The following STPG2 variants were observed in gnomAD, a reference collection of about 807,000 sequenced individuals.
STPG2 encodes sperm tail PG-rich repeat containing 2, also known as sperm-tail PG-rich repeat-containing protein 2.
STPG2 carries 56 observed loss-of-function variants against 54.2 expected under a neutral mutation model. The ratio of observed to expected loss-of-function variants is 1.03; its 90% CI spans 0.83 to 1.29. STPG2 has a LOEUF of 1.29. Among genes scored for constraint, STPG2 ranks in the 50% most tolerant of loss-of-function variants. STPG2 has a pLI of 0.00. For missense variants in STPG2, 596 were observed against 544.9 expected, an observed-to-expected ratio of 1.09 and a Z score of -0.93; for synonymous variants, 200 against 181.8, an observed-to-expected ratio of 1.10 and a Z score of -0.81.
chr4:98,105,113 A>C (rs783916), intron 5 of STPG2, among the ~76,000 whole-genome samples: 76,224 of 152,046 alleles, frequency 0.5, 19,209 homozygotes, highest in Admixed American at 0.58. Context: ...TTGTTTCTGT[A>C]TCTCACTTTC....
chr4:98,087,918 C>T (rs946374267), intron 5 of STPG2, among the ~76,000 whole-genome samples: 8 of 152,126 alleles, frequency 5.3e-5, no homozygotes, highest in Admixed American at 4.6e-4. Context: ...AGCCCTAATC[C>T]CTGACTCCAA....
intron 5 of STPG2, among the ~76,000 whole-genome samples, chr4:98,057,438 C>T (rs1737516420): frequency 6.6e-6 from 1 of 151,754 alleles, no homozygotes; most frequent in Non-Finnish European, 1.5e-5. Context: ...GGAAAATAGA[C>T]CAAGTGAAGG....
rs182747334 is a variant in STPG2, at chr4:97,635,575, T to A, written c.1321-76458A>T. ...TGGATAAAGAGTCAAGACCCATCAGTGTGCTGTATTCAGGAAACCCGTCTC... is the reference window on the plus strand; with the variant it reads ...TGGATAAAGAGTCAAGACCCATCAGAGTGCTGTATTCAGGAAACCCGTCTC... On this transcript the variant is annotated intron_variant, in intron 10 of 10. Transcript: ENST00000295268. Among the ~76,000 whole-genome samples, 39 of 152,294 alleles carry A rather than the reference T, an allele frequency of 2.6e-4. 1 individual carries two copies. The East Asian group carries it at 7.3e-3, about 29-fold the overall frequency.
At chr4:97,868,872 G>T (rs561299966) in intron 8 of STPG2, among the ~76,000 whole-genome samples, 61 of 151,852 alleles carry the variant, frequency 4.0e-4, no homozygotes, top group African/African-American at 1.4e-3. Context: ...CTTTTAAAAG[G>T]TCATCCTTAC....
chr4:97,742,006 C>A (rs898491879), intron 9 of STPG2, among the ~76,000 whole-genome samples: 57 of 151,996 alleles, frequency 3.8e-4, no homozygotes, highest in Non-Finnish European at 5.3e-4. Context: ...AAATGTGGCA[C>A]ATATACACCA....
intron 9 of STPG2, among the ~76,000 whole-genome samples, chr4:97,777,681 AC>A (rs965904400): frequency 1.3e-5 from 2 of 152,122 alleles, no homozygotes; most frequent in Non-Finnish European, 2.9e-5. Flanking sequence ...ATAAATCCCT[AC>A]CGTTCTGTTG....
At chr4:97,810,251 G>C (rs978513639) in intron 9 of STPG2, among the ~76,000 whole-genome samples, 80 of 152,054 alleles carry the variant, frequency 5.3e-4, no homozygotes, top group Non-Finnish European at 2.9e-4. Flanking sequence ...GGATCACGAG[G>C]TCAAGAGATC....
chr4:97,799,770 C>T (rs1392433661), intron 9 of STPG2, among the ~76,000 whole-genome samples: 1 of 126,922 alleles, frequency 7.9e-6, no homozygotes, highest in Admixed American at 7.4e-5. Context: ...TAATATTCTG[C>T]AGAGTGTTTT....
chr4:97,853,773 G>T (rs1401774544), intron 8 of STPG2, among the ~76,000 whole-genome samples: 1 of 152,092 alleles, frequency 6.6e-6, no homozygotes, highest in Non-Finnish European at 1.5e-5. Context: ...TGCTACGGAA[G>T]TGATACTGTT....
At chr4:97,577,247 G>C (rs1732745865) in intron 10 of STPG2, among the ~76,000 whole-genome samples, 1 of 152,136 alleles carries the variant, frequency 6.6e-6, no homozygotes, top group Non-Finnish European at 1.5e-5. Flanking sequence ...TGGGTATACA[G>C]CCAAAGGAAA....
chr4:98,062,591 T>C (rs1008343440), intron 5 of STPG2, among the ~76,000 whole-genome samples: 1 of 152,116 alleles, frequency 6.6e-6, no homozygotes, highest in Non-Finnish European at 1.5e-5. Flanking sequence ...ATATACAAGA[T>C]TATTTGGGAG....
chr4:97,872,841 C>T (rs537572866), intron 8 of STPG2, among the ~76,000 whole-genome samples: 2 of 151,274 alleles, frequency 1.3e-5, no homozygotes, highest in African/African-American at 2.4e-5. Context: ...TTGGGGGCAC[C>T]TTCAAGCTAA....
In STPG2 at chr4:97,972,315, CT is replaced by C; in HGVS notation, c.897del (p.Glu300LysfsTer29). 6.2e-7 allele frequency: 1 copy of C among 1,605,498 alleles called. No homozygotes were observed. The highest frequency in any genetic ancestry group is 8.5e-7 in the Non-Finnish European group (1 of 1,176,178). On this transcript the variant is annotated frameshift_variant, in exon 7 of 11. Coordinates refer to ENST00000295268, the MANE Select transcript of STPG2 (RefSeq NM_174952.3). LOFTEE classifies it high-confidence loss of function. ...GCAGGTCCAGGGGTAGCACAAGCTT[CT>C]TTCTGAACCGAGAAGAAAGTCCGAG... is the stretch of plus-strand genomic sequence containing the variant. ...SVPRTFFSVQ[K>X]EACATPGPAD...
intron 10 of STPG2, among the ~76,000 whole-genome samples, chr4:97,703,744 G>GTATA (rs71588913): frequency 4.0e-4 from 56 of 139,998 alleles, no homozygotes; most frequent in East Asian, 1.6e-3. Context: ...ATATATTATC[G>GTATA]TATATATATA....
rs536204882 is a variant in STPG2, at chr4:97,883,251, G to A, written c.1045-42319C>T. Reference sequence around the variant, plus strand: ...TATATTTTTTTAATTAACTGGCCTTGTTGGTGTGCTCCTGTAGTCCCAGCT... The same window carrying A: ...TATATTTTTTTAATTAACTGGCCTTATTGGTGTGCTCCTGTAGTCCCAGCT... On this transcript the variant is annotated intron_variant, in intron 8 of 10. Coordinates refer to ENST00000295268, the MANE Select transcript of STPG2 (RefSeq NM_174952.3). 1.7e-3 allele frequency among the ~76,000 whole-genome samples: 264 copies of A among 151,640 alleles called. 2 individuals are homozygous for A. The highest frequency in any genetic ancestry group is 6.0e-3 in the African/African-American group (246 of 41,332).
chr4:97,900,840 G>T (rs968766896), intron 8 of STPG2, among the ~76,000 whole-genome samples: 1 of 151,752 alleles, frequency 6.6e-6, no homozygotes, highest in Non-Finnish European at 1.5e-5. Context: ...TTAATGCCTG[G>T]GTAACGAAAT....
chr4:98,063,869 G>A (rs1737741757), intron 5 of STPG2, among the ~76,000 whole-genome samples: 1 of 151,720 alleles, frequency 6.6e-6, no homozygotes, highest in Non-Finnish European at 1.5e-5. Context: ...GTGAGACTAC[G>A]TTTCTACAAA....
At chr4:98,004,524 C>A (rs1204407752) in intron 5 of STPG2, among the ~76,000 whole-genome samples, 1 of 152,104 alleles carries the variant, frequency 6.6e-6, no homozygotes, top group Non-Finnish European at 1.5e-5. Context: ...ATTTCCAGAT[C>A]ATATGGTAGT....
chr4:98,045,789 C>A (rs1454030337), intron 5 of STPG2, among the ~76,000 whole-genome samples: 1 of 152,100 alleles, frequency 6.6e-6, no homozygotes, highest in East Asian at 1.9e-4. Context: ...TCTCTAGCTG[C>A]TTTCAAAATT....
Sources: gnomAD v4.1 joint callset for allele counts (sites outside exome capture counted in the v4.1 genomes callset) on GRCh38, gnomAD v4.1.1 for gene constraint, MANE v1.5 for transcripts, NCBI Gene and HGNC (gene_info 2026-07-23, HGNC 2026-07-21) for gene names.